Variants in TTC7A observed in about 807,000 individuals in gnomAD.
TTC7A encodes the protein tetratricopeptide repeat protein 7A.
Under a neutral mutation model 103.7 loss-of-function variants are expected in TTC7A, and 110 were observed. The ratio of observed to expected loss-of-function variants is 1.06; its 90% CI spans 0.91 to 1.24. The LOEUF (loss-of-function observed/expected upper bound fraction) is 1.24, where lower values mean the gene tolerates loss of function less well. TTC7A is among the 50% of genes most tolerant of loss of function. The pLI, the probability that TTC7A is intolerant of heterozygous loss-of-function variation, is 0.00. For synonymous variants in TTC7A, 521 were observed against 467.9 expected, an observed-to-expected ratio of 1.11 and a Z score of -1.47; for missense variants, 1,340 against 1,116.3, an observed-to-expected ratio of 1.20 and a Z score of -2.86.
At chr2:46,992,676 G>A (rs950402586) in intron 5 of TTC7A, among the ~76,000 whole-genome samples, 9 of 152,172 alleles carry the variant, frequency 5.9e-5, no homozygotes, top group African/African-American at 1.2e-4. Flanking sequence ...CCCCCAAGGC[G>A]CAGTGGGAGC....
At chr2:47,062,830 G>A (rs1683895070) in intron 19 of TTC7A, among the ~76,000 whole-genome samples, 1 of 152,208 alleles carries the variant, frequency 6.6e-6, no homozygotes. Context: ...AGATGTTTCT[G>A]AAATGGTCCC....
rs745364658 is a variant in TTC7A, at chr2:47,006,635, C to T, written c.1204-6C>T. ...TGGGTAAATGCTGACTATCTCCCCT[C>T]CCCAGTGCCTGGAGCGAGCCATGAA... On this transcript the variant is annotated splice_region_variant and splice_polypyrimidine_tract_variant and intron_variant, in intron 9 of 19. Transcript: ENST00000319190. 2 of 1,613,464 alleles carry T rather than the reference C, an allele frequency of 1.2e-6. No individual in the cohort carries two copies. Among genetic ancestry groups the T allele is most frequent in the Non-Finnish European group, 8.5e-7 (1 of 1,179,376 alleles).
At chr2:47,010,951 C>T (rs906750091) in intron 10 of TTC7A, among the ~76,000 whole-genome samples, 1 of 152,188 alleles carries the variant, frequency 6.6e-6, no homozygotes, top group Non-Finnish European at 1.5e-5. Flanking sequence ...CTGCCTGCCT[C>T]GGTCTCCCAA....
chr2:47,019,785 CTGGATTCTTT>C (rs1444278127), intron 11 of TTC7A, among the ~76,000 whole-genome samples: 2 of 152,058 alleles, frequency 1.3e-5, no homozygotes, highest in East Asian at 3.9e-4. Flanking sequence ...CAGCGGGTGT[CTGGATTCTTT>C]TTATAACTTG....
At chr2:46,963,033 C>T (rs1467952367) in intron 3 of TTC7A, among the ~76,000 whole-genome samples, 2 of 152,212 alleles carry the variant, frequency 1.3e-5, no homozygotes, top group Non-Finnish European at 1.5e-5. Context: ...AAGGGTCTGT[C>T]GCTCAGCAGC....
intron 2 of TTC7A, among the ~76,000 whole-genome samples, chr2:46,931,255 A>T (rs75956744): frequency 0.055 from 8,416 of 152,128 alleles, 378 homozygotes; most frequent in African/African-American, 0.11. Flanking sequence ...ATTAAAAAAA[A>T]TTTTCTTTTA....
At chr2:47,019,506 C>G (rs894578853) in intron 11 of TTC7A, among the ~76,000 whole-genome samples, 2 of 152,030 alleles carry the variant, frequency 1.3e-5, no homozygotes, top group East Asian at 3.9e-4. Context: ...ACTACGTGGA[C>G]AATGCTGGCA....
intron 11 of TTC7A, among the ~76,000 whole-genome samples, chr2:47,013,266 C>T (rs771381019): frequency 4.6e-5 from 7 of 152,156 alleles, no homozygotes; most frequent in Non-Finnish European, 1.0e-4. Flanking sequence ...TATCAGGGAA[C>T]CCTTGGTTCC....
intron 2 of TTC7A, 141 bp from the exon 3 acceptor site, chr2:46,956,698 C>T: frequency 2.4e-6 from 2 of 833,568 alleles, no homozygotes; most frequent in Non-Finnish European, 4.0e-6. Flanking sequence ...TCGGCATGTG[C>T]TTGAGCATCA....
intron 2 of TTC7A, among the ~76,000 whole-genome samples, chr2:46,934,076 A>G (rs1338931240): frequency 6.6e-6 from 1 of 152,222 alleles, no homozygotes; most frequent in Non-Finnish European, 1.5e-5. Context: ...GAATGTCATA[A>G]TAATCATCCA....
chr2:46,931,928 C>T (rs1300817393), intron 2 of TTC7A, among the ~76,000 whole-genome samples: 2 of 152,042 alleles, frequency 1.3e-5, no homozygotes, highest in Admixed American at 6.6e-5. Context: ...TAAGTTGATT[C>T]CAGAAATGTG....
Position 47,073,969 on chromosome 2 carries a change from C to A in TTC7A, c.*46C>A. On this transcript the variant is annotated 3_prime_UTR_variant, in exon 20 of 20. Coordinates refer to ENST00000319190, the MANE Select transcript of TTC7A (RefSeq NM_020458.4). Reference sequence around the variant, plus strand: ...GGGAGGGGCTGGCCAGAGGGAGAGGCAGCAGGGAACGTGGGTCAGGGTGGG... The same window carrying A: ...GGGAGGGGCTGGCCAGAGGGAGAGGAAGCAGGGAACGTGGGTCAGGGTGGG... 2 of 1,531,274 alleles carry A rather than the reference C, an allele frequency of 1.3e-6. No individual in the cohort carries two copies. Among genetic ancestry groups the A allele is most frequent in the Non-Finnish European group, 1.8e-6 (2 of 1,121,674 alleles). 94.9% of individuals were successfully genotyped at this position (1,531,274 alleles called of 1,614,324 possible). A position where few individuals can be genotyped will look rare whatever the true frequency, so the allele number is the denominator to read the frequency against.
intron 5 of TTC7A, among the ~76,000 whole-genome samples, chr2:46,980,571 C>T (rs192619217): frequency 6.6e-5 from 10 of 152,222 alleles, no homozygotes; most frequent in Admixed American, 1.3e-4. Flanking sequence ...GTTTTTTCCG[C>T]GACTCACAAC....
chr2:46,979,114 C>G (rs1031912091), intron 5 of TTC7A, among the ~76,000 whole-genome samples: 1 of 152,104 alleles, frequency 6.6e-6, no homozygotes, highest in African/African-American at 2.4e-5. Flanking sequence ...CAGGAAGCCA[C>G]AGAAGCAATA....
intron 8 of TTC7A, among the ~76,000 whole-genome samples, chr2:47,000,664 C>T (rs183591297): frequency 3.9e-5 from 6 of 152,206 alleles, no homozygotes; most frequent in Non-Finnish European, 7.4e-5. Flanking sequence ...CAGTGTCCTC[C>T]AGGGAGGGGG....
rs201734751 is a variant in TTC7A at position 46,975,012 on chromosome 2, G to A, written c.557G>A (p.Arg186His). 5 of 1,613,946 alleles carry A rather than the reference G, an allele frequency of 3.1e-6. No homozygotes were observed. In the Admixed American group the frequency reaches 5.0e-5, roughly 16 times the overall value. ...LERLPNSIAS[R>H]FRLTEREEEV... Reference sequence around the variant, plus strand: ...CGCCTACCCAACTCCATCGCCTCCCGCTTCCGCCTGACAGAGAGGGAGGAG... The same window carrying A: ...CGCCTACCCAACTCCATCGCCTCCCACTTCCGCCTGACAGAGAGGGAGGAG... The change falls in exon 4 of 20, where the codon CGC (arginine) becomes CAC (histidine). Residue 186 changes from arginine (R) to histidine (H), a missense_variant. By Grantham distance (29) the Arg-to-His change is conservative (BLOSUM62 0). Transcript: ENST00000319190.
intron 2 of TTC7A, among the ~76,000 whole-genome samples, chr2:46,953,767 C>T (rs1305355642): frequency 6.6e-6 from 1 of 152,096 alleles, no homozygotes; most frequent in Admixed American, 6.5e-5. Context: ...CTCCAAGGAA[C>T]CTTCTGCAAC....
chr2:46,929,450 C>G (rs960119266), intron 2 of TTC7A, among the ~76,000 whole-genome samples: 1 of 152,144 alleles, frequency 6.6e-6, no homozygotes, highest in African/African-American at 2.4e-5. Flanking sequence ...CGCAACTACA[C>G]TCCAGCCTGG....
chr2:46,959,543 C>T (rs1672195175), intron 3 of TTC7A, among the ~76,000 whole-genome samples: 1 of 152,110 alleles, frequency 6.6e-6, no homozygotes, highest in African/African-American at 2.4e-5. Context: ...GGAGCGGTTC[C>T]AACATGGAGC....
Sources: allele counts gnomAD v4.1 joint callset (sites outside exome capture counted in the v4.1 genomes callset), GRCh38; gene constraint gnomAD v4.1.1; transcripts MANE v1.5; gene names NCBI Gene and HGNC (gene_info 2026-07-23, HGNC 2026-07-21).